The following PCDHB10 variants were observed in gnomAD, a reference collection of about 807,000 sequenced individuals.
PCDHB10 encodes the protein protocadherin beta 10.
For missense variants in PCDHB10, 1,046 were observed against 1,004.7 expected (o/e 1.04, Z -0.56); for synonymous variants, 448 against 449.2 (o/e 1.00, Z 0.04).
In PCDHB10 at chr5:141,194,388, C is replaced by T. The variant is rs1284329170; in HGVS notation, c.1836C>T (p.Pro612=). 1.0e-5 allele frequency: 16 copies of T among 1,602,512 alleles called. No homozygotes were observed. The highest frequency in any genetic ancestry group is 8.0e-5 in the African/African-American group (6 of 74,812). ...LSYQLLKATE[P]GLFGVWAHNG... ...ACCAGCTGCTCAAGGCCACGGAGCC[C>T]GGGCTGTTCGGTGTGTGGGCGCACA... The change falls in exon 1 of 1, where the codon CCC becomes CCT. Residue 612 remains proline, a synonymous_variant. Coordinates refer to ENST00000239446, the MANE Select transcript of PCDHB10 (RefSeq NM_018930.4).
At position 141,192,730 on chromosome 5, in the gene PCDHB10, G is replaced by T. The variant is rs1753932435; in HGVS notation, c.178G>T (p.Ala60Ser). Residue 60 changes from alanine to serine, a missense_variant, in exon 1 of 1, where the codon GCT becomes TCT. By Grantham distance (99) the Ala-to-Ser change is moderately conservative. Transcript: ENST00000239446. The stretch of plus-strand genomic sequence containing the variant: ...TCTGGGACTAGCAGAGGGGGAGCTG[G>T]CTGCAAGGGGAACCAGGGTGGTTTC... Reference protein sequence around the residue: ...KDLGLAEGELAARGTRVVSDD... With the variant: ...KDLGLAEGELSARGTRVVSDD... 6.2e-7 allele frequency: 1 copy of T among 1,611,532 alleles called. No homozygotes were observed. The highest frequency in any genetic ancestry group is 1.1e-5 in the South Asian group (1 of 90,952).
chr5:141,194,191 G>C lies in PCDHB10; in HGVS notation c.1639G>C (p.Val547Leu), dbSNP rs1554284340. 1 of 1,603,354 alleles carries C rather than the reference G, an allele frequency of 6.2e-7. No homozygotes were observed. Reference protein sequence around the residue: ...GSPALSREALVRVLVLDANDN... With the variant: ...GSPALSREALLRVLVLDANDN... ...CCCCGCGCTGAGCAGAGAGGCGCTG[G>C]TGCGCGTGCTGGTGCTGGACGCCAA... The change falls in exon 1 of 1, where the codon GTG (valine) becomes CTG (leucine). Residue 547 changes from valine (V) to leucine (L), a missense_variant. Physicochemically the swap from Val to Leu is conservative, Grantham distance 32. Coordinates refer to ENST00000239446, the MANE Select transcript of PCDHB10 (RefSeq NM_018930.4).
rs932400671 is a variant in PCDHB10 at position 141,195,207 on chromosome 5, T to C, written c.*252T>C. ...CAACTGCCCAAGGAATTAATTACTATTATATCTCATTACAGAAATCTGAGG... is the reference window on the plus strand; with the variant it reads ...CAACTGCCCAAGGAATTAATTACTACTATATCTCATTACAGAAATCTGAGG... On this transcript the variant is annotated 3_prime_UTR_variant, in exon 1 of 1. Coordinates refer to ENST00000239446, the MANE Select transcript of PCDHB10 (RefSeq NM_018930.4). 1.3e-4 allele frequency: 45 copies of C among 351,386 alleles called. No homozygotes were observed. Among genetic ancestry groups the C allele is most frequent in the African/African-American group, 8.4e-4 (39 of 46,672 alleles). The allele number at this position is 351,386 out of a possible 1,614,324, so 21.8% of individuals were successfully genotyped here. A position where few individuals can be genotyped will look rare whatever the true frequency, so the allele number is the denominator to read the frequency against.
At position 141,195,099 on chromosome 5, in the gene PCDHB10, T is replaced by C. The variant is rs1754026182; in HGVS notation, c.*144T>C. On this transcript the variant is annotated 3_prime_UTR_variant, in exon 1 of 1. Transcript: ENST00000239446. ...ACCCCTGTGGTTTTACAATGTTTCA[T>C]CATTTTTTTGCATTAATAACAACTG... 1.2e-6 allele frequency: 1 copy of C among 856,690 alleles called. No individual in the cohort carries two copies. Among genetic ancestry groups the C allele is most frequent in the Non-Finnish European group, 1.7e-6 (1 of 589,954 alleles). The allele number at this position is 856,690 out of a possible 1,614,324, so 53.1% of individuals were successfully genotyped here. A position where few individuals can be genotyped will look rare whatever the true frequency, so the allele number is the denominator to read the frequency against.
At position 141,193,202 on chromosome 5, in the gene PCDHB10, G is replaced by C. The variant is rs782202174; in HGVS notation, c.650G>C (p.Gly217Ala). The change falls in exon 1 of 1, where the codon GGT becomes GCT. Residue 217 changes from glycine to alanine, a missense_variant. By Grantham distance (60) the Gly-to-Ala change is moderately conservative. Transcript: ENST00000239446. ...ELSLTLTALDGGSPSRSGTST... is the reference protein window; with the variant it reads ...ELSLTLTALDAGSPSRSGTST... The stretch of plus-strand genomic sequence containing the variant: ...AGCTTAACCCTCACAGCGCTGGATG[G>C]TGGGTCTCCATCCAGGTCTGGGACC... The C allele has an allele frequency of 1.9e-6, 3 of 1,614,086 alleles. No individual in the cohort carries two copies. The East Asian group carries it at 6.7e-5, about 36-fold the overall frequency.
Position 141,194,345 on chromosome 5 carries a change from A to G in PCDHB10, c.1793A>G (p.Gln598Arg). Residue 598 changes from glutamine to arginine, a missense_variant, in exon 1 of 1, where the codon CAG (glutamine) becomes CGG (arginine). By Grantham distance (43) the Gln-to-Arg change is conservative. Transcript: ENST00000239446. ...KVVAVDGDSG[Q>R]NAWLSYQLLK... ...GTGGCGGTGGACGGCGACTCGGGCC[A>G]GAACGCCTGGCTGTCGTACCAGCTG... is the stretch of plus-strand genomic sequence containing the variant. 6.2e-7 allele frequency: 1 copy of G among 1,601,890 alleles called. No individual in the cohort carries two copies. The highest frequency in any genetic ancestry group is 8.5e-7 in the Non-Finnish European group (1 of 1,178,780).
In PCDHB10 at chr5:141,193,755, C is replaced by T. The variant is rs1337266983; in HGVS notation, c.1203C>T (p.Tyr401=). 1 of 1,614,208 alleles carries T rather than the reference C, an allele frequency of 6.2e-7. No individual in the cohort carries two copies. Among genetic ancestry groups the T allele is most frequent in the Non-Finnish European group, 8.5e-7 (1 of 1,180,048 alleles). ...FLLKPSVENF[Y]ILITEGALDR... is the part of the protein sequence containing the mutation. ...TAAAACCTTCTGTGGAGAATTTTTA[C>T]ATCCTAATTACAGAAGGCGCGCTGG... The change falls in exon 1 of 1, where the codon TAC becomes TAT. Residue 401 remains tyrosine (Y), a synonymous_variant. Transcript: ENST00000239446.
Position 141,193,023 on chromosome 5 carries a change from A to T in PCDHB10, c.471A>T (p.Ala157=), listed in dbSNP as rs1377689627. ...AEGTAFRLER[A]QDPDGGLNGI... Reference sequence around the variant, plus strand: ...GGACAGCATTTAGACTAGAAAGAGCACAGGATCCAGATGGAGGACTTAACG... The same window carrying T: ...GGACAGCATTTAGACTAGAAAGAGCTCAGGATCCAGATGGAGGACTTAACG... The change falls in exon 1 of 1, where the codon GCA becomes GCT. Residue 157 remains alanine, a synonymous_variant. Transcript: ENST00000239446. 1 of 1,614,096 alleles carries T rather than the reference A, an allele frequency of 6.2e-7. No individual in the cohort carries two copies. The highest frequency in any genetic ancestry group is 8.5e-7 in the Non-Finnish European group (1 of 1,180,054).
Position 141,192,489 on chromosome 5 carries a change from C to T in PCDHB10, c.-64C>T. 2 of 1,568,388 alleles carry T rather than the reference C, an allele frequency of 1.3e-6. No individual in the cohort carries two copies. The highest frequency in any genetic ancestry group is 2.5e-5 in the South Asian group (2 of 81,604). On this transcript the variant is annotated 5_prime_UTR_variant, in exon 1 of 1. Coordinates refer to ENST00000239446, the MANE Select transcript of PCDHB10 (RefSeq NM_018930.4). The stretch of plus-strand genomic sequence containing the variant: ...CACGGCGTAGGTGCAGGGTTTCCTA[C>T]TGCTGTTCTTTTATGCTGGGAGCTG...
Position 141,193,700 on chromosome 5 carries a change from G to T in PCDHB10, c.1148G>T (p.Cys383Phe). 1 of 1,614,168 alleles carries T rather than the reference G, an allele frequency of 6.2e-7. No homozygotes were observed. Among genetic ancestry groups the T allele is most frequent in the Non-Finnish European group, 8.5e-7 (1 of 1,180,038 alleles). ...TCTGGAGAAAATGGAAAGATGGTTT[G>T]CTACATTCAAGAGAATCTGCCATTC... ...RDSGENGKMV[C>F]YIQENLPFLL... The change falls in exon 1 of 1, where the codon TGC becomes TTC. Residue 383 changes from cysteine to phenylalanine, a missense_variant. Transcript: ENST00000239446.
In PCDHB10 at chr5:141,194,694, G is replaced by T. The variant is rs1554284471; in HGVS notation, c.2142G>T (p.Arg714=). The change falls in exon 1 of 1, where the codon CGG becomes CGT. Residue 714 remains arginine (R), a synonymous_variant. Coordinates refer to ENST00000239446, the MANE Select transcript of PCDHB10 (RefSeq NM_018930.4). ...LLSVLLFVAV[R]LCRRSRAASV... Reference sequence around the variant, plus strand: ...CGGTGCTCCTGTTCGTGGCGGTGCGGCTGTGCAGGAGGAGCAGGGCGGCCT... The same window carrying T: ...CGGTGCTCCTGTTCGTGGCGGTGCGTCTGTGCAGGAGGAGCAGGGCGGCCT... 2.5e-6 allele frequency: 4 copies of T among 1,608,828 alleles called. No homozygotes were observed. Among genetic ancestry groups the T allele is most frequent in the Non-Finnish European group, 2.5e-6 (3 of 1,179,730 alleles).
Position 141,193,725 on chromosome 5 carries a change from C to A in PCDHB10, c.1173C>A (p.Phe391Leu), listed in dbSNP as rs139481353. The part of the protein sequence containing the change: ...MVCYIQENLP[F>L]LLKPSVENFY... ...GCTACATTCAAGAGAATCTGCCATT[C>A]CTACTAAAACCTTCTGTGGAGAATT... Residue 391 changes from phenylalanine (F) to leucine (L), a missense_variant, in exon 1 of 1, where the codon TTC becomes TTA. Phe to Leu is a conservative substitution (Grantham distance 22, BLOSUM62 0). Transcript: ENST00000239446. 1 of 1,614,154 alleles carries A rather than the reference C, an allele frequency of 6.2e-7. No individual in the cohort carries two copies. The highest frequency in any genetic ancestry group is 8.5e-7 in the Non-Finnish European group (1 of 1,180,032).
In PCDHB10 at chr5:141,194,001, C is replaced by A. The variant is rs1554284239; in HGVS notation, c.1449C>A (p.Asn483Lys). Reference sequence around the variant, plus strand: ...CCACAGACAGAGACTCGGGCACCAACGCCCAGGTCACCTACTCGCTGCTGC... The same window carrying A: ...CCACAGACAGAGACTCGGGCACCAAAGCCCAGGTCACCTACTCGCTGCTGC... ...VSATDRDSGT[N>K]AQVTYSLLPP... The change falls in exon 1 of 1, where the codon AAC (asparagine) becomes AAA (lysine). Residue 483 changes from asparagine to lysine, a missense_variant. Transcript: ENST00000239446. 9 of 1,609,524 alleles carry A rather than the reference C, an allele frequency of 5.6e-6. No homozygotes were observed. Among genetic ancestry groups the A allele is most frequent in the South Asian group, 1.1e-5 (1 of 90,928 alleles).
At position 141,194,466 on chromosome 5, in the gene PCDHB10, C is replaced by G. The variant is rs782773187; in HGVS notation, c.1914C>G (p.His638Gln). 1.1e-4 allele frequency: 169 copies of G among 1,600,956 alleles called. 2 individuals carry two copies. The highest frequency in any genetic ancestry group is 8.5e-5 in the Admixed American group (5 of 59,136). Residue 638 changes from histidine (H) to glutamine (Q), a missense_variant, in exon 1 of 1, where the codon CAC becomes CAG. Transcript: ENST00000239446. ...TGAGCGAGCGCGACGCAGCCAAGCA[C>G]AGGCTCGTGGTGCTTGTCAAGGACA... ...RLLSERDAAK[H>Q]RLVVLVKDNG... is the part of the protein sequence containing the mutation.
rs373492697 is a variant in PCDHB10 at position 141,193,584 on chromosome 5, C to A, written c.1032C>A (p.Pro344=). 6.2e-7 allele frequency: 1 copy of A among 1,614,040 alleles called. No individual in the cohort carries two copies. Among genetic ancestry groups the A allele is most frequent in the South Asian group, 1.1e-5 (1 of 91,068 alleles). Residue 344 remains proline (P), a synonymous_variant, in exon 1 of 1, where the codon CCC becomes CCA. Coordinates refer to ENST00000239446, the MANE Select transcript of PCDHB10 (RefSeq NM_018930.4). ...AAGTATTGGACACCAATGACAATCC[C>A]CCTGAACTGATCGTATCATCATTTT... The part of the protein sequence containing the change: ...LVEVLDTNDN[P]PELIVSSFSN...
At position 141,194,152 on chromosome 5, in the gene PCDHB10, A is replaced by G. The variant is rs17844578; in HGVS notation, c.1600A>G (p.Thr534Ala). 4.4e-6 allele frequency: 7 copies of G among 1,604,510 alleles called. No individual in the cohort carries two copies. The highest frequency in any genetic ancestry group is 4.0e-5 in the African/African-American group (3 of 74,700). Residue 534 changes from threonine (T) to alanine (A), a missense_variant, in exon 1 of 1, where the codon ACA becomes GCA. Coordinates refer to ENST00000239446, the MANE Select transcript of PCDHB10 (RefSeq NM_018930.4). ...GGCTTTCGAGTTCCGCGTGGGCGCCACAGACCGCGGCTCCCCCGCGCTGAG... is the reference window on the plus strand; with the variant it reads ...GGCTTTCGAGTTCCGCGTGGGCGCCGCAGACCGCGGCTCCCCCGCGCTGAG... ...LQAFEFRVGA[T>A]DRGSPALSRE...
Position 141,193,379 on chromosome 5 carries a change from A to G in PCDHB10, c.827A>G (p.Glu276Gly), listed in dbSNP as rs1166777556. 1.2e-6 allele frequency: 2 copies of G among 1,614,096 alleles called. No individual in the cohort carries two copies. Among genetic ancestry groups the G allele is most frequent in the African/African-American group, 2.7e-5 (2 of 74,932 alleles). Residue 276 changes from glutamate to glycine, a missense_variant, in exon 1 of 1, where the codon GAA becomes GGA. Transcript: ENST00000239446. ...AEDVDSGVNAEVSYSFFDASE... is the reference protein window; with the variant it reads ...AEDVDSGVNAGVSYSFFDASE... ...GATGTAGACTCTGGAGTCAACGCGG[A>G]AGTATCCTATTCATTTTTTGATGCC...
At position 141,194,687 on chromosome 5, in the gene PCDHB10, C is replaced by T. The variant is rs782597685; in HGVS notation, c.2135C>T (p.Ala712Val). Residue 712 changes from alanine (A) to valine (V), a missense_variant, in exon 1 of 1, where the codon GCG (alanine) becomes GTG (valine). Coordinates refer to ENST00000239446, the MANE Select transcript of PCDHB10 (RefSeq NM_018930.4). ...CTCCTCTCGGTGCTCCTGTTCGTGG[C>T]GGTGCGGCTGTGCAGGAGGAGCAGG... ...LFLLSVLLFV[A>V]VRLCRRSRAA... The T allele has an allele frequency of 1.9e-6, 3 of 1,607,876 alleles. No individual in the cohort carries two copies. The highest frequency in any genetic ancestry group is 4.5e-5 in the East Asian group (2 of 44,756).
rs1238292597 is a variant in PCDHB10, at chr5:141,192,988, A to G, written c.436A>G (p.Thr146Ala). ...AACAGTCTTAAAAATATCAGAAAATACAGCTGAAGGGACAGCATTTAGACT... is the reference window on the plus strand; with the variant it reads ...AACAGTCTTAAAAATATCAGAAAATGCAGCTGAAGGGACAGCATTTAGACT... The part of the protein sequence containing the change: ...KETVLKISEN[T>A]AEGTAFRLER... The change falls in exon 1 of 1, where the codon ACA becomes GCA. Residue 146 changes from threonine to alanine, a missense_variant. Physicochemically the swap from Thr to Ala is moderately conservative, Grantham distance 58 (BLOSUM62 0). Coordinates refer to ENST00000239446, the MANE Select transcript of PCDHB10 (RefSeq NM_018930.4). 1 of 1,614,114 alleles carries G rather than the reference A, an allele frequency of 6.2e-7. No individual in the cohort carries two copies. Among genetic ancestry groups the G allele is most frequent in the African/African-American group, 1.3e-5 (1 of 74,934 alleles).
Sources: gnomAD v4.1 joint callset for allele counts on GRCh38, gnomAD v4.1.1 for gene constraint, MANE v1.5 for transcripts, NCBI Gene and HGNC (gene_info 2026-07-23, HGNC 2026-07-21) for gene names.